INPP4A: variants seen among roughly 807,000 people sequenced by gnomAD.
INPP4A encodes inositol polyphosphate-4-phosphatase, type I, 107kD.
A neutral mutation model predicts 119.8 loss-of-function variants in INPP4A; 33 were observed. The observed-to-expected ratio is 0.28, with a 90% CI of 0.21 to 0.37. The LOEUF is 0.37. Ranked by LOEUF, INPP4A falls within the 10% of genes least tolerant of loss-of-function variation. The pLI is 1.00. For missense variants in INPP4A, 956 were observed against 1,289.9 expected, an observed-to-expected ratio of 0.74 and a Z score of 3.97; for synonymous variants, 496 against 500.7, an observed-to-expected ratio of 0.99 and a Z score of 0.12.
At chr2:98,544,518 A>G (rs1692129425) in intron 11 of INPP4A, among the ~76,000 whole-genome samples, 1 of 152,248 alleles carries the variant, frequency 6.6e-6, no homozygotes, top group South Asian at 2.1e-4. Context: ...TCAGAAAACA[A>G]AATGGAGTGT....
chr2:98,559,447 C>G lies in INPP4A; in HGVS notation c.1823-16C>G, dbSNP rs1430111471. The stretch of plus-strand genomic sequence containing the variant: ...CTGCTCCTTAATCATCCATGTCGCC[C>G]TCCATTTCTGTGCAGATTGCAGTCC... On this transcript the variant is annotated splice_polypyrimidine_tract_variant and intron_variant, in intron 16 of 24. Transcript: ENST00000409851. 7 of 1,613,974 alleles carry G rather than the reference C, an allele frequency of 4.3e-6. No homozygotes were observed. The highest frequency in any genetic ancestry group is 5.9e-6 in the Non-Finnish European group (7 of 1,179,870).
Position 98,581,628 on chromosome 2 carries a change from A to G in INPP4A, c.2786+4485A>G, listed in dbSNP as rs760513777. The G allele has an allele frequency of 1.9e-6, 3 of 1,574,254 alleles. 1 individual carries two copies. The highest frequency in any genetic ancestry group is 2.3e-5 in the South Asian group (2 of 86,062). ...GAAGAACTTGAGCGGCCTGGTGCCC[A>G]TCCGAGACTTAAGGCTAGACCCCAG... On this transcript the variant is annotated intron_variant, in intron 24 of 24. Transcript: ENST00000409851.
chr2:98,554,567 C>A lies in INPP4A; in HGVS notation c.1566+78C>A. On this transcript the variant is annotated intron_variant, in intron 15 of 24. Transcript: ENST00000409851. This position sits in a 1 kb window ranked among gnomAD's most constrained non-coding sequence, Gnocchi z 4.7. ...ACAAAACCTGTTGCCAGTCTCTGCC[C>A]CTCTGAAGTGCCTCAAGGTTCAACT... The A allele has an allele frequency of 7.8e-7, 1 of 1,280,684 alleles. No individual in the cohort carries two copies. Among genetic ancestry groups the A allele is most frequent in the South Asian group, 1.4e-5 (1 of 71,412 alleles). 79.3% of individuals were successfully genotyped at this position (1,280,684 alleles called of 1,614,324 possible).
At chr2:98,549,526 C>T (rs1693105515) in intron 13 of INPP4A, among the ~76,000 whole-genome samples, 2 of 152,126 alleles carry the variant, frequency 1.3e-5, no homozygotes, top group South Asian at 4.1e-4. Context: ...AATTAGATGA[C>T]AGTTAGAAAC....
At chr2:98,445,806 C>G (rs1329876760) in intron 1 of INPP4A, among the ~76,000 whole-genome samples, 1 of 152,142 alleles carries the variant, frequency 6.6e-6, no homozygotes, top group Admixed American at 6.5e-5. Flanking sequence ...CTTCCTGCCC[C>G]GAGTTCATCC....
intron 1 of INPP4A, among the ~76,000 whole-genome samples, chr2:98,511,816 C>G (rs1685171918): frequency 6.6e-6 from 1 of 152,202 alleles, no homozygotes; most frequent in African/African-American, 2.4e-5. Context: ...GCTCCCCTCC[C>G]CCATGCCACC....
chr2:98,445,470 G>A (rs1694032236), intron 1 of INPP4A, among the ~76,000 whole-genome samples: 1 of 152,226 alleles, frequency 6.6e-6, no homozygotes, highest in Admixed American at 6.5e-5. Flanking sequence ...AAGTAAACAT[G>A]CATCTCCGTG....
intron 6 of INPP4A, 130 bp downstream of exon 6, chr2:98,535,975 G>A (rs1690188210): frequency 5.6e-6 from 4 of 710,136 alleles, no homozygotes; most frequent in African/African-American, 1.8e-5. Context: ...AAATGCATTT[G>A]TCTTTGCGAA....
chr2:98,550,705 G>A (rs982370380), intron 13 of INPP4A, among the ~76,000 whole-genome samples: 1 of 152,162 alleles, frequency 6.6e-6, no homozygotes, highest in Non-Finnish European at 1.5e-5. Flanking sequence ...ATCCTAAACA[G>A]CACCTCTTTG....
chr2:98,520,450 A>G (rs773532344), intron 3 of INPP4A, among the ~76,000 whole-genome samples: 7 of 152,194 alleles, frequency 4.6e-5, no homozygotes, highest in Admixed American at 3.3e-4. Flanking sequence ...TGCCCAGGCC[A>G]TGGTAAAAGC....
At chr2:98,529,995 C>CAG (rs973439162) in intron 4 of INPP4A, among the ~76,000 whole-genome samples, 40 of 151,922 alleles carry the variant, frequency 2.6e-4, no homozygotes, top group African/African-American at 9.4e-4. Context: ...GACCTAGAAG[C>CAG]AGAGAGAGAG....
At position 98,590,507 on chromosome 2, in the gene INPP4A, G is replaced by A. The variant is rs180819641; in HGVS notation, c.*2899G>A. 3 of 192,702 alleles carry A rather than the reference G, an allele frequency of 1.6e-5. No homozygotes were observed. Among genetic ancestry groups the A allele is most frequent in the South Asian group, 1.9e-4 (1 of 5,154 alleles). The allele number at this position is 192,702 out of a possible 1,614,324, so 11.9% of individuals were successfully genotyped here. A position where few individuals can be genotyped will look rare whatever the true frequency, so the allele number is the denominator to read the frequency against. On this transcript the variant is annotated 3_prime_UTR_variant, in exon 25 of 25. Transcript: ENST00000409851. ...CAACAGTACCTTCCTCATAAGGAAC[G>A]TGCGACGCGCCTCAGAAGTACGTGT... is the stretch of plus-strand genomic sequence containing the variant.
chr2:98,550,982 G>A (rs1213655598), intron 13 of INPP4A, among the ~76,000 whole-genome samples: 1 of 151,858 alleles, frequency 6.6e-6, no homozygotes, highest in South Asian at 2.1e-4. Context: ...TGGAGTCAGG[G>A]TCTTGCTCTG....
intron 1 of INPP4A, among the ~76,000 whole-genome samples, chr2:98,469,237 G>A (rs1052661088): frequency 1.3e-5 from 2 of 152,174 alleles, no homozygotes; most frequent in African/African-American, 2.4e-5. Flanking sequence ...GGTGGCTCAC[G>A]CCTGTAATCC....
rs1700494324 is a variant in INPP4A at position 98,593,690 on chromosome 2, TA to T, written c.*6084del. The stretch of plus-strand genomic sequence containing the variant: ...CCTCCAAGCTGGCTGAGTCTCCCTC[TA>T]ATAGACGACCTTGGGATCATTTTCT... On this transcript the variant is annotated 3_prime_UTR_variant, in exon 25 of 25. Coordinates refer to ENST00000409851, the MANE Select transcript of INPP4A (RefSeq NM_001134225.2). The T allele has an allele frequency of 6.6e-6, 1 of 152,368 alleles. No individual in the cohort carries two copies. Among genetic ancestry groups the T allele is most frequent in the Non-Finnish European group, 1.5e-5 (1 of 68,208 alleles). 9.4% of individuals were successfully genotyped at this position (152,368 alleles called of 1,614,324 possible).
chr2:98,507,650 C>T (rs1574816221), intron 1 of INPP4A, among the ~76,000 whole-genome samples: 1 of 152,248 alleles, frequency 6.6e-6, no homozygotes, highest in East Asian at 1.9e-4. Context: ...CCTCTGGTGG[C>T]TGGAGCTGGA....
intron 1 of INPP4A, among the ~76,000 whole-genome samples, chr2:98,514,733 TAGTG>T (rs1353909240): frequency 6.6e-6 from 1 of 152,012 alleles, no homozygotes. Context: ...CTGGGCAACA[TAGTG>T]AGACCTCATC....
At chr2:98,515,081 G>C (rs1017858105) in intron 1 of INPP4A, among the ~76,000 whole-genome samples, 2 of 152,206 alleles carry the variant, frequency 1.3e-5, no homozygotes, top group African/African-American at 4.8e-5. Context: ...ACCTCTTCCA[G>C]CTGGAGGTTC....
At chr2:98,512,602 G>A (rs925999692) in intron 1 of INPP4A, among the ~76,000 whole-genome samples, 7 of 152,186 alleles carry the variant, frequency 4.6e-5, no homozygotes, top group East Asian at 1.9e-4. Context: ...CTAAACTCCC[G>A]ATTTATCGGG....
Sources: allele counts gnomAD v4.1 joint callset (sites outside exome capture counted in the v4.1 genomes callset), GRCh38; gene constraint gnomAD v4.1.1; non-coding constraint Gnocchi (gnomAD v3.1); transcripts MANE v1.5; gene names NCBI Gene and HGNC (gene_info 2026-07-23, HGNC 2026-07-21).